Variants in CAMK2B observed in about 807,000 individuals in gnomAD.
CAMK2B encodes the protein calcium/calmodulin dependent protein kinase II beta, also known as calcium/calmodulin-dependent protein kinase type II subunit beta.
Under a neutral mutation model 93.7 loss-of-function variants are expected in CAMK2B, and 27 were observed. The observed-to-expected ratio is 0.29, with a 90% confidence interval of 0.21 to 0.40. The LOEUF is 0.40. Ranked by LOEUF, CAMK2B falls within the 10% of genes least tolerant of loss-of-function variation. The pLI is 1.00. For synonymous variants in CAMK2B, 374 were observed against 358.8 expected (o/e 1.04, Z -0.48); for missense variants, 568 against 895.8 (o/e 0.63, Z 4.67).
intron 1 of CAMK2B, among the ~76,000 whole-genome samples, chr7:44,309,265 C>T (rs1023442938): frequency 1.3e-5 from 2 of 152,198 alleles, no homozygotes; most frequent in African/African-American, 4.8e-5. Flanking sequence ...AAGCCGGGCT[C>T]TGGGGCAGGG....
Position 44,239,569 on chromosome 7 carries a change from G to A in CAMK2B, c.1021+20C>T, listed in dbSNP as rs892011585. On this transcript the variant is annotated intron_variant, in intron 13 of 23. Coordinates refer to ENST00000395749, the MANE Select transcript of CAMK2B (RefSeq NM_001220.5). ...AGGGACGGGCGGGAGCGGGCGGGAC[G>A]CTGGTCGAGACACATCTACCTTGTT... The A allele has an allele frequency of 6.5e-6, 10 of 1,541,906 alleles. No homozygotes were observed. Among genetic ancestry groups the A allele is most frequent in the Non-Finnish European group, 7.9e-6 (9 of 1,141,746 alleles).
rs1038529260 is a variant in CAMK2B at position 44,286,767 on chromosome 7, G to A, written c.66-2542C>T. Among the ~76,000 whole-genome samples the A allele has an allele frequency of 1.6e-4, 24 of 152,238 alleles. No homozygotes were observed. Among genetic ancestry groups the A allele is most frequent in the African/African-American group, 5.1e-4 (21 of 41,472 alleles). On this transcript the variant is annotated intron_variant, in intron 1 of 23. Coordinates refer to ENST00000395749, the MANE Select transcript of CAMK2B (RefSeq NM_001220.5). The surrounding 1 kb of genome is among the most constrained non-coding windows in gnomAD (Gnocchi z 4.0). ...CAGTCAGCAATCGGGGAAGGCGGGG[G>A]CAGGGAACACAGGTAAGACTGCCAG...
chr7:44,225,851 C>G lies in CAMK2B; in HGVS notation c.1597+665G>C. Reference sequence around the variant, plus strand: ...CACCACCCCCAGTCTGGTGTCTCCCCACAGGTGGGGGTGGCAGCAGCCCTG... The same window carrying G: ...CACCACCCCCAGTCTGGTGTCTCCCGACAGGTGGGGGTGGCAGCAGCCCTG... On this transcript the variant is annotated intron_variant, in intron 20 of 23. Transcript: ENST00000395749. This position sits in a 1 kb window ranked among gnomAD's most constrained non-coding sequence, Gnocchi z 5.0. The G allele has an allele frequency of 7.8e-7, 1 of 1,289,454 alleles. No homozygotes were observed. Among genetic ancestry groups the G allele is most frequent in the South Asian group, 1.2e-5 (1 of 81,026 alleles). The allele number at this position is 1,289,454 out of a possible 1,614,324, so 79.9% of individuals were successfully genotyped here.
chr7:44,269,111 A>G (rs1485871472), intron 2 of CAMK2B, among the ~76,000 whole-genome samples: 1 of 152,202 alleles, frequency 6.6e-6, no homozygotes, highest in East Asian at 1.9e-4. Context: ...CGGGAAGGAC[A>G]TTCACACCAA....
intron 2 of CAMK2B, among the ~76,000 whole-genome samples, chr7:44,281,651 C>A (rs536197596): frequency 1.4e-3 from 207 of 152,186 alleles, no homozygotes; most frequent in Non-Finnish European, 1.8e-3. Context: ...CCCAATCACC[C>A]TTGGTCACAC....
chr7:44,302,635 C>T (rs906875972), intron 1 of CAMK2B, among the ~76,000 whole-genome samples: 12 of 152,046 alleles, frequency 7.9e-5, no homozygotes, highest in African/African-American at 4.8e-5. Flanking sequence ...AATGCGTCAA[C>T]AAGGTAAAGA....
chr7:44,220,350 G>A (rs1044896110), intron 22 of CAMK2B, 56 bp from the exon 23 acceptor site: 26 of 1,331,592 alleles, frequency 2.0e-5, no homozygotes, highest in Middle Eastern at 1.8e-4. Context: ...CCTGGTGCCC[G>A]TCTTCCACCC....
chr7:44,266,998 C>T (rs184872697), intron 2 of CAMK2B: 3 of 152,406 alleles, frequency 2.0e-5, no homozygotes, highest in East Asian at 1.9e-4. Flanking sequence ...GCTCACGGCA[C>T]CTCTACGTGC....
chr7:44,220,947 CCCCCG>C (rs1229890411), intron 20 of CAMK2B, 46 bp from the exon 21 acceptor site: 1 of 1,500,082 alleles, frequency 6.7e-7, no homozygotes, highest in African/African-American at 1.4e-5. Flanking sequence ...TGGCCCATTC[CCCCCG>C]GACCCCTCCA....
chr7:44,256,261 G>A (rs1283823143), intron 4 of CAMK2B, among the ~76,000 whole-genome samples: 1 of 152,256 alleles, frequency 6.6e-6, no homozygotes. Context: ...GCCTGTCCGT[G>A]TGAGGGTGTG....
rs2096464078 is a variant in CAMK2B, at chr7:44,225,492, C to T, written c.1597+1024G>A. ...TCCCCTCAGCTGCTTGCCTCTGATCCCCTCAGTCAACCCCTGCTGGGGGTC... is the reference window on the plus strand; with the variant it reads ...TCCCCTCAGCTGCTTGCCTCTGATCTCCTCAGTCAACCCCTGCTGGGGGTC... On this transcript the variant is annotated intron_variant, in intron 20 of 23. Transcript: ENST00000395749. The surrounding 1 kb of genome is among the most constrained non-coding windows in gnomAD (Gnocchi z 5.0). 6.6e-6 allele frequency among the ~76,000 whole-genome samples: 1 copy of T among 152,152 alleles called. No individual in the cohort carries two copies. The highest frequency in any genetic ancestry group is 2.1e-4 in the South Asian group (1 of 4,828).
At chr7:44,221,379 G>A (rs2096403180) in intron 20 of CAMK2B, among the ~76,000 whole-genome samples, 1 of 152,228 alleles carries the variant, frequency 6.6e-6, no homozygotes, top group Non-Finnish European at 1.5e-5. Context: ...AGCAGCTCTG[G>A]TGAGGGGGCT....
chr7:44,240,857 C>CA, intron 11 of CAMK2B, 108 bp from the exon 12 acceptor site: 48 of 1,171,750 alleles, frequency 4.1e-5, no homozygotes, highest in Non-Finnish European at 5.5e-5. Flanking sequence ...GCCTCATTGT[C>CA]ATGAGGCTGA....
intron 1 of CAMK2B, among the ~76,000 whole-genome samples, chr7:44,284,873 G>T (rs918185312): frequency 9.9e-5 from 15 of 152,178 alleles, no homozygotes; most frequent in African/African-American, 3.4e-4. Context: ...GGCCATGGAG[G>T]CCCAGAGTAA....
intron 16 of CAMK2B, among the ~76,000 whole-genome samples, chr7:44,231,313 G>T (rs534541526): frequency 1.7e-3 from 259 of 152,274 alleles, no homozygotes; most frequent in Non-Finnish European, 2.6e-3. Flanking sequence ...TCCCTGGGAG[G>T]GCGCCCCTCA....
At chr7:44,273,824 C>T (rs965833331) in intron 2 of CAMK2B, among the ~76,000 whole-genome samples, 4 of 152,192 alleles carry the variant, frequency 2.6e-5, no homozygotes, top group Admixed American at 1.3e-4. Context: ...GACAGCTGCC[C>T]GGAGGTTCCC....
intron 4 of CAMK2B, among the ~76,000 whole-genome samples, chr7:44,258,293 A>C (rs1159197078): frequency 6.6e-6 from 1 of 152,192 alleles, no homozygotes; most frequent in East Asian, 1.9e-4. Flanking sequence ...GTGCCAGCGT[A>C]CCCACATGCA....
chr7:44,306,720 A>T (rs76885540), intron 1 of CAMK2B, among the ~76,000 whole-genome samples: 1 of 146,696 alleles, frequency 6.8e-6, no homozygotes, highest in East Asian at 2.2e-4. Flanking sequence ...ACCAGTGAGC[A>T]GGAGGAGGGT....
chr7:44,323,228 C>A (rs188247924), intron 1 of CAMK2B, among the ~76,000 whole-genome samples: 34 of 152,390 alleles, frequency 2.2e-4, no homozygotes, highest in African/African-American at 7.7e-4. Flanking sequence ...CTAGGCTGAG[C>A]TGCCTGCTCC....
Sources: allele counts gnomAD v4.1 joint callset (sites outside exome capture counted in the v4.1 genomes callset), GRCh38; gene constraint gnomAD v4.1.1; non-coding constraint Gnocchi (gnomAD v3.1); transcripts MANE v1.5; gene names NCBI Gene and HGNC (gene_info 2026-07-23, HGNC 2026-07-21).